The following VPS33B variants were observed in gnomAD, a reference collection of about 807,000 sequenced individuals.
VPS33B encodes the protein VPS33B late endosome and lysosome associated.
A neutral mutation model predicts 95.3 loss-of-function variants in VPS33B; 80 were observed. The observed-to-expected ratio is 0.84, with a 90% CI of 0.70 to 1.01. The LOEUF is 1.01. VPS33B is among the 50% of genes least tolerant of loss of function. VPS33B has a pLI of 0.00. For missense variants in VPS33B, 715 were observed against 773.4 expected (o/e 0.92, Z 0.90); for synonymous variants, 280 against 280.4 (o/e 1.00, Z 0.01).
Position 91,005,953 on chromosome 15 carries a change from A to G in VPS33B, c.939+20T>C, listed in dbSNP as rs745850819. ...AGCCACTGAGGCAACAAAACAGAGG[A>G]GCAGGGCTTGGAGCCTCACATCATA... On this transcript the variant is annotated intron_variant, in intron 12 of 22. Coordinates refer to ENST00000333371, the MANE Select transcript of VPS33B (RefSeq NM_018668.5). The surrounding 1 kb of genome is among the most constrained non-coding windows in gnomAD (Gnocchi z 6.4). 1.9e-6 allele frequency: 3 copies of G among 1,613,718 alleles called. No homozygotes were observed. The highest frequency in any genetic ancestry group is 1.7e-6 in the Non-Finnish European group (2 of 1,179,804).
rs2040576123 is a variant in VPS33B, at chr15:91,005,510, T to A, written c.1031-56A>T. 9 of 1,611,768 alleles carry A rather than the reference T, an allele frequency of 5.6e-6. No individual in the cohort carries two copies. Among genetic ancestry groups the A allele is most frequent in the Admixed American group, 1.7e-5 (1 of 60,000 alleles). ...TCCTGGTTCTAGAAAGATGTCCCTT[T>A]ATTGTCCGGAAGAATAAAAAACCTC... On this transcript the variant is annotated intron_variant, in intron 13 of 22. Transcript: ENST00000333371. This position sits in a 1 kb window ranked among gnomAD's most constrained non-coding sequence, Gnocchi z 6.4.
Position 91,016,964 on chromosome 15 carries a change from G to A in VPS33B, c.238C>T (p.Gln80Ter). The change falls in exon 3 of 23, where the codon CAA becomes TAA. Residue 80 changes from glutamine to a stop codon, truncating the protein, a stop_gained and splice_region_variant. Coordinates refer to ENST00000333371, the MANE Select transcript of VPS33B (RefSeq NM_018668.5). LOFTEE classifies it high-confidence loss of function. Reference sequence around the variant, plus strand: ...GGACAGACTCTCCCAGACACTCACTGTTCATTGGAGCTGAGGGCTGGCTTG... The same window carrying A: ...GGACAGACTCTCCCAGACACTCACTATTCATTGGAGCTGAGGGCTGGCTTG... ...ENKPALSSNE[Q>*]LCFLVRPRIK... 1 of 1,613,978 alleles carries A rather than the reference G, an allele frequency of 6.2e-7. No homozygotes were observed. The highest frequency in any genetic ancestry group is 8.5e-7 in the Non-Finnish European group (1 of 1,179,924).
At chr15:91,020,096 C>T (rs983857011) in intron 1 of VPS33B, among the ~76,000 whole-genome samples, 3 of 152,090 alleles carry the variant, frequency 2.0e-5, no homozygotes, top group African/African-American at 7.3e-5. Context: ...TGAGCCACCG[C>T]ACCCAGCCTA....
At chr15:91,014,518 CT>C in intron 3 of VPS33B, 85 bp from the exon 4 acceptor site, 2 of 1,495,364 alleles carry the variant, frequency 1.3e-6, no homozygotes, top group Non-Finnish European at 9.3e-7. Context: ...AATACCAACT[CT>C]TTTGCCATTT....
chr15:91,003,848 T>C (rs1374497307), intron 16 of VPS33B, among the ~76,000 whole-genome samples: 1 of 152,198 alleles, frequency 6.6e-6, no homozygotes, highest in Non-Finnish European at 1.5e-5. Flanking sequence ...GTCTTATATG[T>C]TTTTCTCCAT....
At chr15:91,019,449 T>G (rs908859936) in intron 1 of VPS33B, among the ~76,000 whole-genome samples, 8 of 152,120 alleles carry the variant, frequency 5.3e-5, no homozygotes, top group Admixed American at 2.0e-4. Flanking sequence ...TTTTTTAGTT[T>G]CCCAAACTCA....
chr15:91,002,032 C>CT lies in VPS33B; in HGVS notation c.1405+17dup. 1 of 1,613,454 alleles carries CT rather than the reference C, an allele frequency of 6.2e-7. No individual in the cohort carries two copies. Among genetic ancestry groups the CT allele is most frequent in the African/African-American group, 1.3e-5 (1 of 75,020 alleles). Reference sequence around the variant, plus strand: ...AGGACAACAGCTGGAGCAGGGGTCACTTGTGCTCCCTGCTTACCTGCAGCC... The same window carrying CT: ...AGGACAACAGCTGGAGCAGGGGTCACTTTGTGCTCCCTGCTTACCTGCAGCC... On this transcript the variant is annotated intron_variant, in intron 18 of 22. Coordinates refer to ENST00000333371, the MANE Select transcript of VPS33B (RefSeq NM_018668.5). This position sits in a 1 kb window ranked among gnomAD's most constrained non-coding sequence, Gnocchi z 4.7.
chr15:91,018,113 C>G lies in VPS33B; in HGVS notation c.97-228G>C, dbSNP rs926404897. On this transcript the variant is annotated intron_variant, in intron 1 of 22. Transcript: ENST00000333371. This position sits in a 1 kb window ranked among gnomAD's most constrained non-coding sequence, Gnocchi z 4.7. ...TACCAGTGGGAAGAAGACATCCCAC[C>G]TTCTTTCTCAGGTTAACTCCTTGTC... The G allele has an allele frequency of 1.3e-5, 7 of 539,706 alleles. No individual in the cohort carries two copies. Among genetic ancestry groups the G allele is most frequent in the Non-Finnish European group, 2.4e-5 (7 of 294,300 alleles). 33.4% of individuals were successfully genotyped at this position (539,706 alleles called of 1,614,324 possible).
At chr15:91,017,083 G>A in intron 2 of VPS33B, 59 bp from the exon 3 acceptor site, 1 of 1,538,790 alleles carries the variant, frequency 6.5e-7, no homozygotes, top group South Asian at 1.1e-5. Context: ...CACAAAGTGT[G>A]ACACGAAGAT....
At position 91,005,531 on chromosome 15, in the gene VPS33B, AC is replaced by A; in HGVS notation, c.1031-78del. 2 of 1,606,954 alleles carry A rather than the reference AC, an allele frequency of 1.2e-6. No homozygotes were observed. Among genetic ancestry groups the A allele is most frequent in the Non-Finnish European group, 1.7e-6 (2 of 1,174,120 alleles). On this transcript the variant is annotated intron_variant, in intron 13 of 22. Coordinates refer to ENST00000333371, the MANE Select transcript of VPS33B (RefSeq NM_018668.5). The surrounding 1 kb of genome is among the most constrained non-coding windows in gnomAD (Gnocchi z 6.4). ...CCTTTATTGTCCGGAAGAATAAAAA[AC>A]CTCCTAAGGCAAAATCCGAAAGCAC...
chr15:91,013,997 C>A lies in VPS33B; in HGVS notation c.290-126G>T. The stretch of plus-strand genomic sequence containing the variant: ...ACTTGGGAGGCTGAGGCGGGTGGAT[C>A]ACCTGAGGTCAGGAGTTTGCGACCA... On this transcript the variant is annotated intron_variant, in intron 4 of 22. Coordinates refer to ENST00000333371, the MANE Select transcript of VPS33B (RefSeq NM_018668.5). The surrounding 1 kb of genome is among the most constrained non-coding windows in gnomAD (Gnocchi z 4.5). The A allele has an allele frequency of 8.8e-7, 1 of 1,133,922 alleles. No individual in the cohort carries two copies. The highest frequency in any genetic ancestry group is 1.3e-6 in the Non-Finnish European group (1 of 755,708). The allele number at this position is 1,133,922 out of a possible 1,614,324, so 70.2% of individuals were successfully genotyped here.
rs755836129 is a variant in VPS33B at position 91,007,455 on chromosome 15, G to A, written c.603+14C>T. ...CAGCGTCTGCTGGGACAACAGTACT[G>A]CTAGTGCTCTTACCTTGGCGCACCT... is the stretch of plus-strand genomic sequence containing the variant. On this transcript the variant is annotated intron_variant, in intron 8 of 22. Transcript: ENST00000333371. The surrounding 1 kb of genome is among the most constrained non-coding windows in gnomAD (Gnocchi z 5.3). The A allele has an allele frequency of 1.2e-6, 2 of 1,611,978 alleles. No homozygotes were observed. Among genetic ancestry groups the A allele is most frequent in the East Asian group, 2.2e-5 (1 of 44,892 alleles).
At position 91,009,558 on chromosome 15, in the gene VPS33B, G is replaced by A. The variant is rs908188012; in HGVS notation, c.403+243C>T. 3.9e-5 allele frequency among the ~76,000 whole-genome samples: 6 copies of A among 151,906 alleles called. No homozygotes were observed. In the South Asian group the frequency reaches 6.2e-4, roughly 16 times the overall value. The stretch of plus-strand genomic sequence containing the variant: ...CTGACCTCAGGTGATCCACCCCCTC[G>A]GCCTCCCAAAGTGCTGGGATTACAG... On this transcript the variant is annotated intron_variant, in intron 6 of 22. Transcript: ENST00000333371. The surrounding 1 kb of genome is among the most constrained non-coding windows in gnomAD (Gnocchi z 4.1).
chr15:90,999,153 C>T lies in VPS33B; in HGVS notation c.1775-99G>A. The T allele has an allele frequency of 1.8e-6, 2 of 1,099,452 alleles. No homozygotes were observed. Among genetic ancestry groups the T allele is most frequent in the South Asian group, 1.3e-5 (1 of 75,990 alleles). 68.1% of individuals were successfully genotyped at this position (1,099,452 alleles called of 1,614,324 possible). A position where few individuals can be genotyped will look rare whatever the true frequency, so the allele number is the denominator to read the frequency against. On this transcript the variant is annotated intron_variant, in intron 22 of 22. Transcript: ENST00000333371. This position sits in a 1 kb window ranked among gnomAD's most constrained non-coding sequence, Gnocchi z 5.1. ...CAGTTCCACAGTCCCCACGGGATCA[C>T]AGCACCAGTTTATAGACAGAGACGT...
rs572002080 is a variant in VPS33B, at chr15:91,022,443, G to A, written c.-194C>T. The A allele has an allele frequency of 1.4e-5, 8 of 554,558 alleles. No homozygotes were observed. The East Asian group carries it at 2.4e-4, about 16-fold the overall frequency. 34.4% of individuals were successfully genotyped at this position (554,558 alleles called of 1,614,324 possible). On this transcript the variant is annotated 5_prime_UTR_variant, in exon 1 of 23. Transcript: ENST00000333371. ...CTCCAGGCAAGAGAGCTACTACCTC[G>A]GAGCAGCCTTGTCTCAGACCTGCAG...
At chr15:91,019,631 A>G (rs1013866508) in intron 1 of VPS33B, among the ~76,000 whole-genome samples, 8 of 152,224 alleles carry the variant, frequency 5.3e-5, no homozygotes, top group Admixed American at 5.2e-4. Flanking sequence ...AAGCATTCCA[A>G]TCAGCTGGAA....
At position 91,013,753 on chromosome 15, in the gene VPS33B, G is replaced by A. The variant is rs746381249; in HGVS notation, c.357+51C>T. On this transcript the variant is annotated intron_variant, in intron 5 of 22. Coordinates refer to ENST00000333371, the MANE Select transcript of VPS33B (RefSeq NM_018668.5). The surrounding 1 kb of genome is among the most constrained non-coding windows in gnomAD (Gnocchi z 4.5). ...GCTGTTGGCCCCTTACCCCTGCCCG[G>A]TCCTCAGTCCTGTTCTACCTTATCC... 1.2e-6 allele frequency: 2 copies of A among 1,605,228 alleles called. No individual in the cohort carries two copies. Among genetic ancestry groups the A allele is most frequent in the East Asian group, 2.2e-5 (1 of 44,828 alleles).
Position 91,006,594 on chromosome 15 carries a change from G to C in VPS33B, c.778+58C>G, listed in dbSNP as rs1296244490. On this transcript the variant is annotated intron_variant, in intron 10 of 22. Coordinates refer to ENST00000333371, the MANE Select transcript of VPS33B (RefSeq NM_018668.5). This position sits in a 1 kb window ranked among gnomAD's most constrained non-coding sequence, Gnocchi z 5.4. ...CCCACAAACCCTGCCCCACGTGGGAGGTGCCAAGGCTGATGACCCGTCCAT... is the reference window on the plus strand; with the variant it reads ...CCCACAAACCCTGCCCCACGTGGGACGTGCCAAGGCTGATGACCCGTCCAT... 1.2e-6 allele frequency: 2 copies of C among 1,611,722 alleles called. No homozygotes were observed. Among genetic ancestry groups the C allele is most frequent in the Non-Finnish European group, 1.7e-6 (2 of 1,177,858 alleles).
chr15:90,998,597 C>G, downstream of VPS33B: 1 of 352,352 alleles, frequency 2.8e-6, no homozygotes, highest in Non-Finnish European at 5.6e-6. This position sits in a 1 kb window ranked among gnomAD's most constrained non-coding sequence, Gnocchi z 4.8. Context: ...CCAAGAAGCA[C>G]AGGAAGCCCC....
Sources: allele counts gnomAD v4.1 joint callset (sites outside exome capture counted in the v4.1 genomes callset), GRCh38; gene constraint gnomAD v4.1.1; non-coding constraint Gnocchi (gnomAD v3.1); transcripts MANE v1.5; gene names NCBI Gene and HGNC (gene_info 2026-07-23, HGNC 2026-07-21).